Variants in STIM1 observed in about 807,000 individuals in gnomAD.
The protein encoded by STIM1 is stromal interaction molecule 1.
Under a neutral mutation model 74.7 loss-of-function variants are expected in STIM1, and 25 were observed. That is an observed-to-expected ratio of 0.33 (90% CI 0.24 to 0.47). STIM1 has a LOEUF of 0.47. Ranked by LOEUF, STIM1 falls within the 20% of genes least tolerant of loss-of-function variation. The pLI is 1.00. For missense variants in STIM1, 728 were observed against 920.8 expected (o/e 0.79, Z 2.71); for synonymous variants, 328 against 348.8 (o/e 0.94, Z 0.66).
chr11:3,962,333 G>A (rs552011696), intron 1 of STIM1, among the ~76,000 whole-genome samples: 52 of 152,202 alleles, frequency 3.4e-4, no homozygotes, highest in African/African-American at 1.2e-3. Context: ...GTGGCAATAT[G>A]TGATGTTTGA....
chr11:4,053,784 A>T lies in STIM1; in HGVS notation c.386-1742A>T, dbSNP rs564150405. Among the ~76,000 whole-genome samples, 845 of 152,150 alleles carry T rather than the reference A, an allele frequency of 5.6e-3. 10 individuals carry two copies. The highest frequency in any genetic ancestry group is 0.019 in the African/African-American group (806 of 41,502). ...CAGGCGACCAAATAGAAAAAAAAAA[A>T]TTTTAATAGAGACAGGGTCTCACTG... On this transcript the variant is annotated intron_variant, in intron 3 of 12. Coordinates refer to ENST00000526596, the MANE Select transcript of STIM1 (RefSeq NM_001382567.1).
At chr11:3,957,705 A>G (rs1482673322) in intron 1 of STIM1, among the ~76,000 whole-genome samples, 1 of 151,992 alleles carries the variant, frequency 6.6e-6, no homozygotes. Flanking sequence ...ACAGGTGCAC[A>G]CTAGCACACT....
At chr11:4,069,478 A>G (rs1452283680) in intron 5 of STIM1, among the ~76,000 whole-genome samples, 1 of 152,156 alleles carries the variant, frequency 6.6e-6, no homozygotes, top group Non-Finnish European at 1.5e-5. Flanking sequence ...AATGTTCTCC[A>G]TAGATTGAGA....
chr11:4,091,879 A>G lies in STIM1; in HGVS notation c.*81A>G. On this transcript the variant is annotated 3_prime_UTR_variant, in exon 13 of 13. Transcript: ENST00000526596. ...TCCTTCCCTCCCTTCCTTCAAGATAACTGGCCCCAAGAGTGGGGCATGGGA... is the reference window on the plus strand; with the variant it reads ...TCCTTCCCTCCCTTCCTTCAAGATAGCTGGCCCCAAGAGTGGGGCATGGGA... 1 of 1,575,346 alleles carries G rather than the reference A, an allele frequency of 6.3e-7. No individual in the cohort carries two copies. The highest frequency in any genetic ancestry group is 8.6e-7 in the Non-Finnish European group (1 of 1,165,546).
At chr11:4,014,901 T>A (rs1054643348) in intron 2 of STIM1, among the ~76,000 whole-genome samples, 3 of 152,242 alleles carry the variant, frequency 2.0e-5, no homozygotes, top group African/African-American at 7.2e-5. Context: ...TCCATTAGCT[T>A]GGTGGATCTT....
intron 3 of STIM1, among the ~76,000 whole-genome samples, chr11:4,025,305 A>AT (rs1400407451): frequency 2.0e-5 from 3 of 152,200 alleles, no homozygotes; most frequent in Non-Finnish European, 4.4e-5. Context: ...AATCCTGATT[A>AT]TGGGATGGAC....
intron 3 of STIM1, among the ~76,000 whole-genome samples, chr11:4,027,500 C>T (rs567513731): frequency 3.3e-4 from 50 of 152,046 alleles, no homozygotes; most frequent in African/African-American, 1.2e-3. Flanking sequence ...TTAGTAGAGA[C>T]GGGGTTTCAC....
rs56890594 is a variant in STIM1 at position 3,941,653 on chromosome 11, C to CATAT, written c.140-25881_140-25878dup. On this transcript the variant is annotated intron_variant, in intron 1 of 12. Transcript: ENST00000526596. Reference sequence around the variant, plus strand: ...TATAGAGAGATAGTGTGTGTGTATACATATATATATATATATATATAGAGA... The same window carrying CATAT: ...TATAGAGAGATAGTGTGTGTGTATACATATATATATATATATATATATATAGAGA... Among the ~76,000 whole-genome samples, 1,213 of 122,322 alleles carry CATAT rather than the reference C, an allele frequency of 9.9e-3. 6 individuals are homozygous for CATAT. The highest frequency in any genetic ancestry group is 0.021 in the East Asian group (83 of 4,024). The allele number at this position is 122,322 out of a possible 152,430, so 80.2% of individuals were successfully genotyped here.
intron 2 of STIM1, among the ~76,000 whole-genome samples, chr11:3,997,994 C>T (rs2093677891): frequency 6.6e-6 from 1 of 152,170 alleles, no homozygotes. Context: ...CGTTTTCTAC[C>T]TCCTCTATAG....
chr11:3,975,909 C>T (rs536770063), intron 2 of STIM1, among the ~76,000 whole-genome samples: 106 of 152,224 alleles, frequency 7.0e-4, no homozygotes, highest in Non-Finnish European at 1.2e-3. Flanking sequence ...AAGATGATAC[C>T]GCCAGTCTGG....
intron 1 of STIM1, among the ~76,000 whole-genome samples, chr11:3,887,215 G>T (rs943743025): frequency 1.3e-5 from 2 of 152,138 alleles, no homozygotes; most frequent in Non-Finnish European, 2.9e-5. Context: ...CTGGGTGAGG[G>T]CCTCTAGGGA....
intron 2 of STIM1, among the ~76,000 whole-genome samples, chr11:3,997,023 T>C (rs2093669013): frequency 6.6e-6 from 1 of 152,246 alleles, no homozygotes; most frequent in Non-Finnish European, 1.5e-5. Flanking sequence ...CAGTATTCTT[T>C]GGCTAGCTTG....
intron 1 of STIM1, among the ~76,000 whole-genome samples, chr11:3,937,767 T>G (rs904959482): frequency 6.6e-6 from 1 of 152,100 alleles, no homozygotes; most frequent in African/African-American, 2.4e-5. Context: ...TTTGGCTAAG[T>G]CTAGAAGTGT....
At chr11:3,941,054 C>A (rs1464802058) in intron 1 of STIM1, among the ~76,000 whole-genome samples, 2 of 152,096 alleles carry the variant, frequency 1.3e-5, no homozygotes, top group African/African-American at 4.8e-5. Context: ...AATGATACCT[C>A]ATAGGGTTGT....
chr11:3,881,669 C>A (rs2135325164), intron 1 of STIM1, among the ~76,000 whole-genome samples: 1 of 149,046 alleles, frequency 6.7e-6, no homozygotes, highest in Non-Finnish European at 1.5e-5. Context: ...CCGTGCCCGG[C>A]CGATTATTTT....
chr11:4,064,074 G>C (rs1182555432), intron 5 of STIM1, among the ~76,000 whole-genome samples: 2 of 152,122 alleles, frequency 1.3e-5, no homozygotes, highest in Non-Finnish European at 2.9e-5. Flanking sequence ...GGTTCTTACT[G>C]GTTCTCTCAT....
chr11:3,982,814 CCG>C (rs2093519509), intron 2 of STIM1, among the ~76,000 whole-genome samples: 1 of 152,152 alleles, frequency 6.6e-6, no homozygotes, highest in Admixed American at 6.5e-5. Context: ...AAAAGTGTCA[CCG>C]CATTGGTTGG....
In STIM1 at chr11:3,899,833, A is replaced by G. The variant is rs1590544316; in HGVS notation, c.139+43424A>G. On this transcript the variant is annotated intron_variant, in intron 1 of 12. Coordinates refer to ENST00000526596, the MANE Select transcript of STIM1 (RefSeq NM_001382567.1). ...CTGGATTACATTTATTGATTTGTGTATATTGAACCAGCCTTGCATCCCAGG... is the reference window on the plus strand; with the variant it reads ...CTGGATTACATTTATTGATTTGTGTGTATTGAACCAGCCTTGCATCCCAGG... Among the ~76,000 whole-genome samples, 6 of 151,626 alleles carry G rather than the reference A, an allele frequency of 4.0e-5. No individual in the cohort carries two copies. The South Asian group carries it at 1.2e-3, about 32-fold the overall frequency.
intron 1 of STIM1, among the ~76,000 whole-genome samples, chr11:3,877,174 A>G (rs1312534801): frequency 6.6e-6 from 1 of 152,180 alleles, no homozygotes; most frequent in Non-Finnish European, 1.5e-5. Flanking sequence ...AAAAGCAGTT[A>G]GAGCTACCTG....
Sources: gnomAD v4.1 joint callset for allele counts (sites outside exome capture counted in the v4.1 genomes callset) on GRCh38, gnomAD v4.1.1 for gene constraint, MANE v1.5 for transcripts, NCBI Gene and HGNC (gene_info 2026-07-23, HGNC 2026-07-21) for gene names.